Variants in CEP112 observed in about 807,000 individuals in gnomAD.
CEP112 encodes the protein centrosomal protein 112, also known as centrosomal protein of 112 kDa.
CEP112 carries 127 observed loss-of-function variants against 153.0 expected under a neutral mutation model. That is an observed-to-expected ratio of 0.83 (90% confidence interval 0.72 to 0.96). The LOEUF (loss-of-function observed/expected upper bound fraction) is 0.96. Among genes scored for constraint, CEP112 ranks in the 40% least tolerant of loss-of-function variants. The pLI is 0.00. For synonymous variants in CEP112, 358 were observed against 374.4 expected (o/e 0.96, Z 0.51); for missense variants, 1,089 against 1,101.2 (o/e 0.99, Z 0.16).
chr17:65,894,874 A>G (rs779962858), intron 20 of CEP112, among the ~76,000 whole-genome samples: 9 of 152,148 alleles, frequency 5.9e-5, no homozygotes, highest in Non-Finnish European at 8.8e-5. Flanking sequence ...AGGATTGCAT[A>G]TCTCTTTAGA....
At chr17:65,723,795 T>C (rs2050026963) in intron 23 of CEP112, among the ~76,000 whole-genome samples, 1 of 152,226 alleles carries the variant, frequency 6.6e-6, no homozygotes, top group Admixed American at 6.5e-5. Flanking sequence ...ATAAAAATAA[T>C]GCAATTTGTG....
chr17:66,058,278 C>T lies in CEP112; in HGVS notation c.1075-4399G>A, dbSNP rs1290038798. Among the ~76,000 whole-genome samples, 5 of 152,022 alleles carry T rather than the reference C, an allele frequency of 3.3e-5. No homozygotes were observed. The South Asian group carries it at 6.2e-4, about 19-fold the overall frequency. On this transcript the variant is annotated intron_variant, in intron 11 of 26. Coordinates refer to ENST00000535342, the MANE Select transcript of CEP112 (RefSeq NM_001199165.4). ...AATATATGAAATTAGGGAATTCAGACAAAGGAAAGCAGGGGACTTGCTAGG... is the reference window on the plus strand; with the variant it reads ...AATATATGAAATTAGGGAATTCAGATAAAGGAAAGCAGGGGACTTGCTAGG...
chr17:66,149,880 G>GTTTTTT (rs1568549274), intron 4 of CEP112, among the ~76,000 whole-genome samples: 3 of 60,736 alleles, frequency 4.9e-5, no homozygotes, highest in African/African-American at 1.3e-4. Flanking sequence ...TTTTTTTTTT[G>GTTTTTT]TTTGTTTGTT....
At chr17:65,987,066 GAAC>G (rs1339948414) in intron 17 of CEP112, among the ~76,000 whole-genome samples, 1 of 151,986 alleles carries the variant, frequency 6.6e-6, no homozygotes, top group Non-Finnish European at 1.5e-5. Flanking sequence ...CAGGGGAAAA[GAAC>G]AACATCCTAT....
intron 17 of CEP112, among the ~76,000 whole-genome samples, chr17:65,970,774 C>CATGTTAA (rs879655673): frequency 0.14 from 8,382 of 59,320 alleles, 426 homozygotes; most frequent in East Asian, 0.4. Flanking sequence ...TTACATGTTA[C>CATGTTAA]ATGCATGCAT....
chr17:65,875,993 CTTCT>C (rs2058813340), intron 20 of CEP112, among the ~76,000 whole-genome samples: 1 of 151,824 alleles, frequency 6.6e-6, no homozygotes, highest in African/African-American at 2.4e-5. Flanking sequence ...TTCTAATTTT[CTTCT>C]TTCTCCCTTG....
intron 21 of CEP112, among the ~76,000 whole-genome samples, chr17:65,799,786 C>T (rs1021142811): frequency 6.6e-6 from 1 of 152,198 alleles, no homozygotes; most frequent in African/African-American, 2.4e-5. Flanking sequence ...CCTTTATGCA[C>T]CATCTACCTT....
intron 21 of CEP112, among the ~76,000 whole-genome samples, chr17:65,779,825 T>C (rs2053899804): frequency 6.6e-6 from 1 of 152,144 alleles, no homozygotes. Flanking sequence ...TTGAGAAGTG[T>C]TGTAGTGTAT....
intron 15 of CEP112, 128 bp downstream of exon 15, chr17:66,028,185 G>T: frequency 1.7e-6 from 1 of 584,420 alleles, no homozygotes. Context: ...TATACAATGC[G>T]ATAAAAGAAT....
chr17:65,701,824 C>G (rs1000574142), intron 23 of CEP112, among the ~76,000 whole-genome samples: 1 of 151,806 alleles, frequency 6.6e-6, no homozygotes, highest in Non-Finnish European at 1.5e-5. Flanking sequence ...ATCTCACAAT[C>G]ATTTGTAAGC....
At chr17:66,182,756 T>C (rs1434542015) in intron 2 of CEP112, among the ~76,000 whole-genome samples, 2 of 152,226 alleles carry the variant, frequency 1.3e-5, no homozygotes, top group African/African-American at 2.4e-5. Flanking sequence ...GATTTTGTTC[T>C]GCCAACAAAT....
rs777564081 is a variant in CEP112 at position 65,961,448 on chromosome 17, T to G, written c.1872+15A>C. ...AGAGTGACTTTCAAAAGGGATGGTG[T>G]GGCAGCCTCCTTACCTGCTCTTTCA... On this transcript the variant is annotated intron_variant, in intron 18 of 26. Coordinates refer to ENST00000535342, the MANE Select transcript of CEP112 (RefSeq NM_001199165.4). 5 of 1,582,406 alleles carry G rather than the reference T, an allele frequency of 3.2e-6. No individual in the cohort carries two copies. In the Admixed American group the frequency reaches 8.5e-5, roughly 27 times the overall value.
chr17:65,678,857 C>T (rs1244035832), intron 24 of CEP112, among the ~76,000 whole-genome samples: 1 of 152,146 alleles, frequency 6.6e-6, no homozygotes, highest in Non-Finnish European at 1.5e-5. Context: ...TCCCGCAGCA[C>T]ACTCAGCCCA....
chr17:66,119,585 C>T (rs1441405835), intron 6 of CEP112, among the ~76,000 whole-genome samples: 1 of 152,074 alleles, frequency 6.6e-6, no homozygotes, highest in Non-Finnish European at 1.5e-5. Flanking sequence ...AAAAAGTATT[C>T]TATTGTATAG....
chr17:66,022,664 G>T (rs7213276), intron 16 of CEP112, among the ~76,000 whole-genome samples: 1 of 145,200 alleles, frequency 6.9e-6, no homozygotes, highest in South Asian at 2.2e-4. Context: ...AGCCGAGATC[G>T]TGCCACTGCA....
Position 65,971,172 on chromosome 17 carries a change from G to T in CEP112, c.1737-9574C>A, listed in dbSNP as rs79921885. ...ATGATACATGTACATTACATGTACA[G>T]CACATGTACAGCACATGCATATCAC... On this transcript the variant is annotated intron_variant, in intron 17 of 26. Transcript: ENST00000535342. Among the ~76,000 whole-genome samples the T allele has an allele frequency of 6.2e-3, 344 of 55,308 alleles. 3 individuals are homozygous for T. Among genetic ancestry groups the T allele is most frequent in the East Asian group, 0.029 (4 of 136 alleles). The allele number at this position is 55,308 out of a possible 152,430, so 36.3% of individuals were successfully genotyped here. A position where few individuals can be genotyped will look rare whatever the true frequency, so the allele number is the denominator to read the frequency against.
At chr17:65,805,829 T>TA (rs1208088792) in intron 21 of CEP112, among the ~76,000 whole-genome samples, 4 of 152,186 alleles carry the variant, frequency 2.6e-5, no homozygotes, top group African/African-American at 9.6e-5. Context: ...ATGTTCTGCC[T>TA]AAAATCAAAA....
At chr17:65,898,037 T>C (rs2059717555) in intron 20 of CEP112, among the ~76,000 whole-genome samples, 1 of 152,228 alleles carries the variant, frequency 6.6e-6, no homozygotes, top group Middle Eastern at 3.4e-3. Flanking sequence ...ACTGTAATAT[T>C]TTTTCTTCAG....
chr17:66,020,027 T>C (rs1163754383), intron 16 of CEP112, among the ~76,000 whole-genome samples: 3 of 152,192 alleles, frequency 2.0e-5, no homozygotes, highest in Admixed American at 2.0e-4. Context: ...AATACCTTAT[T>C]TTACAAATAG....
Sources: allele counts gnomAD v4.1 joint callset (sites outside exome capture counted in the v4.1 genomes callset), GRCh38; gene constraint gnomAD v4.1.1; transcripts MANE v1.5; gene names NCBI Gene and HGNC (gene_info 2026-07-23, HGNC 2026-07-21).